Variants in ADAMTSL3 observed in about 807,000 individuals in gnomAD.
ADAMTSL3 encodes ADAMTS-like protein 3.
A neutral mutation model predicts 201.7 loss-of-function variants in ADAMTSL3; 128 were observed. The observed-to-expected ratio is 0.63, with a 90% CI of 0.55 to 0.73. ADAMTSL3 has a LOEUF of 0.73. Ranked by LOEUF, ADAMTSL3 falls within the 30% of genes least tolerant of loss-of-function variation. ADAMTSL3 has a pLI of 0.00. For synonymous variants in ADAMTSL3, 738 were observed against 748.4 expected (o/e 0.99, Z 0.23); for missense variants, 1,990 against 2,119.6 (o/e 0.94, Z 1.20).
intron 3 of ADAMTSL3, among the ~76,000 whole-genome samples, chr15:83,715,219 G>A (rs959937538): frequency 1.3e-5 from 2 of 152,098 alleles, no homozygotes; most frequent in African/African-American, 2.4e-5. Flanking sequence ...ATGTCCCTGG[G>A]GTCAGCAGTG....
At chr15:83,753,297 G>C (rs1035250154) in intron 3 of ADAMTSL3, among the ~76,000 whole-genome samples, 1 of 152,114 alleles carries the variant, frequency 6.6e-6, no homozygotes, top group African/African-American at 2.4e-5. Flanking sequence ...TTGTGCTACT[G>C]ATCTCAGGTG....
intron 25 of ADAMTSL3, among the ~76,000 whole-genome samples, chr15:84,017,782 T>C (rs2068115187): frequency 6.6e-6 from 1 of 152,236 alleles, no homozygotes; most frequent in African/African-American, 2.4e-5. Context: ...TATTGCCCAG[T>C]GCTTACTCCT....
intron 3 of ADAMTSL3, among the ~76,000 whole-genome samples, chr15:83,730,622 A>AT (rs11376499): frequency 0.43 from 63,798 of 149,502 alleles, 15,082 homozygotes; most frequent in African/African-American, 0.64. Context: ...TAGAATCATA[A>AT]TTTTTTTTTT....
chr15:83,837,975 A>G (rs187222896), intron 6 of ADAMTSL3, 114 bp from the exon 7 acceptor site: 1 of 1,328,576 alleles, frequency 7.5e-7, no homozygotes, highest in Non-Finnish European at 1.0e-6. Context: ...GTTCTCATAA[A>G]AGAGAGCCAA....
At chr15:83,936,686 C>G (rs2066466220) in intron 17 of ADAMTSL3, among the ~76,000 whole-genome samples, 1 of 150,942 alleles carries the variant, frequency 6.6e-6, no homozygotes, top group Non-Finnish European at 1.5e-5. Context: ...AACTAAAGAG[C>G]TTCTGCACAG....
intron 9 of ADAMTSL3, 127 bp downstream of exon 9, chr15:83,871,086 A>G (rs2065072426): frequency 9.3e-7 from 1 of 1,079,002 alleles, no homozygotes; most frequent in Non-Finnish European, 1.3e-6. Flanking sequence ...TGTCATCAAT[A>G]TTTCCATCTT....
intron 7 of ADAMTSL3, among the ~76,000 whole-genome samples, chr15:83,851,264 T>A (rs943500250): frequency 9.9e-5 from 15 of 152,198 alleles, no homozygotes; most frequent in African/African-American, 3.6e-4. Flanking sequence ...GTTCTTAGCT[T>A]TGCCTGGGTG....
intron 3 of ADAMTSL3, chr15:83,717,305 A>G (rs1313884493): frequency 6.6e-6 from 1 of 152,240 alleles, no homozygotes; most frequent in African/African-American, 2.4e-5. Flanking sequence ...ACTAGAGAAG[A>G]GGAGCTTTTT....
chr15:83,922,898 A>G (rs569647272), intron 16 of ADAMTSL3, among the ~76,000 whole-genome samples: 3 of 152,354 alleles, frequency 2.0e-5, no homozygotes, highest in South Asian at 2.1e-4. Context: ...CATATTTCAA[A>G]TAACATAGTC....
intron 19 of ADAMTSL3, among the ~76,000 whole-genome samples, chr15:83,960,509 G>A (rs947661662): frequency 3.9e-5 from 6 of 151,928 alleles, no homozygotes; most frequent in African/African-American, 1.5e-4. Flanking sequence ...GAAGTACCTC[G>A]GAAAAAAAAC....
chr15:83,825,491 T>C (rs1365114416), intron 6 of ADAMTSL3, among the ~76,000 whole-genome samples: 1 of 152,136 alleles, frequency 6.6e-6, no homozygotes, highest in East Asian at 1.9e-4. Context: ...CGCAAGCCTA[T>C]GGTCCTAGCT....
At chr15:83,805,569 A>T (rs1213425180) in intron 5 of ADAMTSL3, among the ~76,000 whole-genome samples, 3 of 151,770 alleles carry the variant, frequency 2.0e-5, no homozygotes, top group Non-Finnish European at 2.9e-5. Context: ...AAAAAAAAAA[A>T]TAAATAAATA....
chr15:83,962,960 G>C (rs1410622269), intron 19 of ADAMTSL3, among the ~76,000 whole-genome samples: 1 of 152,212 alleles, frequency 6.6e-6, no homozygotes, highest in Non-Finnish European at 1.5e-5. Context: ...GAGGGACTGT[G>C]CTGTGAGGAA....
intron 23 of ADAMTSL3, among the ~76,000 whole-genome samples, chr15:83,999,637 A>T (rs1270198265): frequency 6.6e-6 from 1 of 152,198 alleles, no homozygotes; most frequent in Non-Finnish European, 1.5e-5. Context: ...AATGATGGGA[A>T]GTGAGCATCT....
chr15:83,876,151 A>G (rs1422756607), intron 9 of ADAMTSL3, among the ~76,000 whole-genome samples: 1 of 152,174 alleles, frequency 6.6e-6, no homozygotes, highest in African/African-American at 2.4e-5. Flanking sequence ...AAATGTAATC[A>G]TGGTATTCCC....
At chr15:83,784,603 C>G (rs907702458) in intron 4 of ADAMTSL3, among the ~76,000 whole-genome samples, 3 of 152,238 alleles carry the variant, frequency 2.0e-5, no homozygotes, top group African/African-American at 7.2e-5. Context: ...CTTTCCTCCT[C>G]TCTCCATTTT....
intron 15 of ADAMTSL3, among the ~76,000 whole-genome samples, chr15:83,903,507 A>G (rs2065767686): frequency 1.3e-5 from 2 of 152,048 alleles, no homozygotes; most frequent in South Asian, 4.2e-4. Context: ...TTAAACAAAT[A>G]CCCCAGGTAA....
chr15:83,944,027 G>A (rs2066611109), intron 19 of ADAMTSL3, among the ~76,000 whole-genome samples: 1 of 152,064 alleles, frequency 6.6e-6, no homozygotes. Context: ...TAGCATGGAT[G>A]GAATGATTCA....
intron 25 of ADAMTSL3, among the ~76,000 whole-genome samples, chr15:84,019,947 T>C (rs2141908535): frequency 6.8e-6 from 1 of 147,268 alleles, no homozygotes; most frequent in East Asian, 2.0e-4. Context: ...TTATATGAAG[T>C]ACAAGAATAA....
Sources: gnomAD v4.1 joint callset for allele counts (sites outside exome capture counted in the v4.1 genomes callset) on GRCh38, gnomAD v4.1.1 for gene constraint, MANE v1.5 for transcripts, NCBI Gene and HGNC (gene_info 2026-07-23, HGNC 2026-07-21) for gene names.